The following TOX variants were observed in gnomAD, a reference collection of about 807,000 sequenced individuals.
The protein encoded by TOX is thymocyte selection associated high mobility group box, also known as thymocyte selection-associated high mobility group box protein TOX.
In TOX, 11 loss-of-function variants were observed where a neutral mutation model predicts 53.7. That is an observed-to-expected ratio of 0.20 (90% CI 0.13 to 0.34). TOX has a LOEUF of 0.34. Among genes scored for constraint, TOX ranks in the 10% least tolerant of loss-of-function variants. TOX has a pLI of 1.00. For synonymous variants in TOX, 225 were observed against 245.3 expected, an observed-to-expected ratio of 0.92 and a Z score of 0.77; for missense variants, 570 against 664.6, an observed-to-expected ratio of 0.86 and a Z score of 1.56.
intron 1 of TOX, among the ~76,000 whole-genome samples, chr8:59,046,936 A>G (rs1164779826): frequency 6.6e-6 from 1 of 151,664 alleles, no homozygotes; most frequent in African/African-American, 2.4e-5. Context: ...GTCTAAGTAA[A>G]CTGAATCATC....
At chr8:59,017,216 T>G (rs1054488475) in intron 1 of TOX, among the ~76,000 whole-genome samples, 2 of 152,246 alleles carry the variant, frequency 1.3e-5, no homozygotes, top group African/African-American at 4.8e-5. Flanking sequence ...ATGCTACTTA[T>G]CATACTGTAG....
chr8:58,948,906 C>T (rs560968202), intron 2 of TOX, among the ~76,000 whole-genome samples: 5 of 152,108 alleles, frequency 3.3e-5, no homozygotes, highest in East Asian at 3.9e-4. Flanking sequence ...GTGTGTCTTT[C>T]GAGATTCTTT....
chr8:59,029,809 C>T (rs1814320188), intron 1 of TOX, among the ~76,000 whole-genome samples: 2 of 152,168 alleles, frequency 1.3e-5, no homozygotes, highest in South Asian at 4.1e-4. Flanking sequence ...AACTCATCTT[C>T]CAACCCATTA....
intron 3 of TOX, among the ~76,000 whole-genome samples, chr8:58,883,866 C>T (rs979642043): frequency 3.3e-5 from 5 of 151,952 alleles, no homozygotes; most frequent in African/African-American, 1.2e-4. Context: ...TTAATGTAAA[C>T]AATAAATCTT....
intron 1 of TOX, among the ~76,000 whole-genome samples, chr8:59,045,287 A>T (rs1046597382): frequency 6.6e-6 from 1 of 152,240 alleles, no homozygotes; most frequent in Non-Finnish European, 1.5e-5. Flanking sequence ...TTTCTTTTCA[A>T]ATATGAAAGA....
At chr8:58,905,699 T>C (rs1289344310) in intron 3 of TOX, among the ~76,000 whole-genome samples, 2 of 152,244 alleles carry the variant, frequency 1.3e-5, no homozygotes, top group Non-Finnish European at 2.9e-5. Context: ...AATTGCACAG[T>C]CGAGTTCACA....
At chr8:59,108,538 A>T (rs1424776286) in intron 1 of TOX, among the ~76,000 whole-genome samples, 1 of 152,188 alleles carries the variant, frequency 6.6e-6, no homozygotes, top group Non-Finnish European at 1.5e-5. Flanking sequence ...TGTGCTGCAC[A>T]AATAGAAGCT....
chr8:59,092,265 T>TATATA lies in TOX; in HGVS notation c.102+26620_102+26621insTATAT, dbSNP rs1804622120. On this transcript the variant is annotated intron_variant, in intron 1 of 8. Transcript: ENST00000361421. ...AGACTCCATCTCATATATATATATTTTATATATATATATATATTATATATA... is the reference window on the plus strand; with the variant it reads ...AGACTCCATCTCATATATATATATTTATATATATATATATATATATATTATATATA... Among the ~76,000 whole-genome samples the TATATA allele has an allele frequency of 1.0e-4, 9 of 89,906 alleles. 1 individual carries two copies. The East Asian group carries it at 1.1e-3, about 11-fold the overall frequency. The allele number at this position is 89,906 out of a possible 152,430, so 59.0% of individuals were successfully genotyped here.
At chr8:58,826,999 T>G in intron 5 of TOX, 97 bp from the exon 6 acceptor site, 1 of 660,970 alleles carries the variant, frequency 1.5e-6, no homozygotes, top group Non-Finnish European at 2.3e-6. Flanking sequence ...ACAAACACAC[T>G]TATAGTTATA....
intron 1 of TOX, among the ~76,000 whole-genome samples, chr8:59,037,456 A>G (rs992455141): frequency 1.3e-5 from 2 of 152,130 alleles, no homozygotes; most frequent in Non-Finnish European, 2.9e-5. Flanking sequence ...GCAATTCTGT[A>G]CTTAAAACAA....
chr8:59,110,677 T>C (rs1804999911), intron 1 of TOX, among the ~76,000 whole-genome samples: 1 of 151,924 alleles, frequency 6.6e-6, no homozygotes, highest in African/African-American at 2.4e-5. Flanking sequence ...ACAGCCCTCA[T>C]AATAGCATCT....
chr8:59,042,736 A>C (rs745943775), intron 1 of TOX, among the ~76,000 whole-genome samples: 2 of 152,218 alleles, frequency 1.3e-5, no homozygotes, highest in Non-Finnish European at 2.9e-5. Flanking sequence ...TTTTAAGTAA[A>C]TATTGTATAC....
intron 1 of TOX, among the ~76,000 whole-genome samples, chr8:59,105,042 T>C (rs1265906383): frequency 6.6e-6 from 1 of 152,244 alleles, no homozygotes; most frequent in Non-Finnish European, 1.5e-5. Flanking sequence ...CAAAAAATGC[T>C]TTTCAATTTC....
At chr8:59,059,017 C>T (rs900011035) in intron 1 of TOX, among the ~76,000 whole-genome samples, 31 of 152,256 alleles carry the variant, frequency 2.0e-4, no homozygotes, top group African/African-American at 7.2e-4. Flanking sequence ...AGGAGGCAAA[C>T]AGTAAAGTCT....
intron 3 of TOX, among the ~76,000 whole-genome samples, chr8:58,907,004 T>TA (rs775534367): frequency 3.9e-5 from 6 of 152,226 alleles, no homozygotes; most frequent in Non-Finnish European, 8.8e-5. Flanking sequence ...TTTTCATAAT[T>TA]ATATTCTGAC....
rs527361544 is a variant in TOX, at chr8:58,994,419, T to TGTGTGC, written c.103-34412_103-34411insGCACAC. ...GTGTGTGTGTGTGTGTGTGTGTGTG[T>TGTGTGC]GCGCGCGCGCATGTGTGTGTATTTT... On this transcript the variant is annotated intron_variant, in intron 1 of 8. Coordinates refer to ENST00000361421, the MANE Select transcript of TOX (RefSeq NM_014729.3). Among the ~76,000 whole-genome samples the TGTGTGC allele has an allele frequency of 4.4e-3, 616 of 141,280 alleles. 3 individuals are homozygous for TGTGTGC. Among genetic ancestry groups the TGTGTGC allele is most frequent in the East Asian group, 0.015 (65 of 4,326 alleles). The allele number at this position is 141,280 out of a possible 152,430, so 92.7% of individuals were successfully genotyped here.
chr8:59,104,164 C>A (rs1427674921), intron 1 of TOX, among the ~76,000 whole-genome samples: 1 of 152,248 alleles, frequency 6.6e-6, no homozygotes, highest in Non-Finnish European at 1.5e-5. Flanking sequence ...CATTAGCCCA[C>A]TGACAACAGC....
chr8:58,850,824 T>A (rs1158417783), intron 4 of TOX, among the ~76,000 whole-genome samples: 3 of 152,198 alleles, frequency 2.0e-5, no homozygotes, highest in Admixed American at 1.3e-4. Flanking sequence ...ACCATGTATA[T>A]CAGGATTGCA....
intron 1 of TOX, among the ~76,000 whole-genome samples, chr8:59,024,443 A>G (rs186739202): frequency 6.6e-6 from 1 of 152,336 alleles, no homozygotes; most frequent in African/African-American, 2.4e-5. Context: ...AGTAGCTACT[A>G]AGTGTCAAAG....
Sources: allele counts gnomAD v4.1 joint callset (sites outside exome capture counted in the v4.1 genomes callset), GRCh38; gene constraint gnomAD v4.1.1; transcripts MANE v1.5; gene names NCBI Gene and HGNC (gene_info 2026-07-23, HGNC 2026-07-21).